The following ANTXR1 variants were observed in gnomAD, a reference collection of about 807,000 sequenced individuals.
The protein encoded by ANTXR1 is ANTXR cell adhesion molecule 1, also known as anthrax toxin receptor 1.
In ANTXR1, 19 loss-of-function variants were observed where a neutral mutation model predicts 78.1. The observed-to-expected ratio is 0.24, with a 90% CI of 0.17 to 0.36. ANTXR1 has a LOEUF of 0.36. Ranked by LOEUF, ANTXR1 falls within the 10% of genes least tolerant of loss-of-function variation. The pLI is 1.00. For missense variants in ANTXR1, 518 were observed against 718.6 expected (o/e 0.72, Z 3.19); for synonymous variants, 273 against 260.5 (o/e 1.05, Z -0.46).
At chr2:69,121,500 G>A (rs1228070494) in intron 10 of ANTXR1, among the ~76,000 whole-genome samples, 9 of 152,256 alleles carry the variant, frequency 5.9e-5, no homozygotes, top group East Asian at 5.8e-4. Flanking sequence ...CAATGGGGAC[G>A]TTGTGCTTAG....
intron 17 of ANTXR1, among the ~76,000 whole-genome samples, chr2:69,201,083 A>G (rs930313239): frequency 2.6e-5 from 4 of 152,160 alleles, no homozygotes; most frequent in Non-Finnish European, 5.9e-5. Flanking sequence ...AGATTAATGA[A>G]TGAGCCCTGT....
chr2:69,114,249 C>CTAA (rs1672071564), intron 10 of ANTXR1, among the ~76,000 whole-genome samples: 1 of 152,186 alleles, frequency 6.6e-6, no homozygotes, highest in South Asian at 2.1e-4. Context: ...GGCTTTTATA[C>CTAA]TAATATGTAT....
chr2:69,074,231 G>A (rs529543284), intron 6 of ANTXR1, among the ~76,000 whole-genome samples: 1 of 152,224 alleles, frequency 6.6e-6, no homozygotes, highest in African/African-American at 2.4e-5. Flanking sequence ...AATACACAAG[G>A]TAATATGACA....
chr2:69,239,649 G>A (rs1476193543), intron 17 of ANTXR1, among the ~76,000 whole-genome samples: 1 of 152,194 alleles, frequency 6.6e-6, no homozygotes, highest in Non-Finnish European at 1.5e-5. Flanking sequence ...TGAAGAAACC[G>A]AAGCCCATAG....
intron 10 of ANTXR1, among the ~76,000 whole-genome samples, chr2:69,119,375 G>A (rs537554221): frequency 2.0e-5 from 3 of 152,228 alleles, no homozygotes; most frequent in Admixed American, 2.0e-4. Flanking sequence ...GGCTCTGTGG[G>A]CTGGCTATGT....
intron 12 of ANTXR1, among the ~76,000 whole-genome samples, chr2:69,137,534 A>C (rs1672946700): frequency 6.6e-6 from 1 of 152,178 alleles, no homozygotes; most frequent in African/African-American, 2.4e-5. Context: ...TATAGGAAGA[A>C]GTGCAAAATT....
chr2:69,077,534 G>A lies in ANTXR1; in HGVS notation c.642+46G>A, dbSNP rs187369068. ...GAGACTAGACATTCAGGCACCTTCC[G>A]TCTCTGATCTGCTATTAATACCCCA... On this transcript the variant is annotated intron_variant, in intron 8 of 17. Transcript: ENST00000303714. The A allele has an allele frequency of 1.0e-3, 1,660 of 1,590,476 alleles. 5 individuals are homozygous for A. The highest frequency in any genetic ancestry group is 1.1e-3 in the Non-Finnish European group (1,313 of 1,158,816).
chr2:69,135,203 T>C, intron 12 of ANTXR1: 1 of 189,964 alleles, frequency 5.3e-6, no homozygotes, highest in Non-Finnish European at 1.1e-5. Flanking sequence ...TTGTTTTTCT[T>C]GGATGTTTGA....
chr2:69,191,796 G>A (rs1163575981), intron 16 of ANTXR1, among the ~76,000 whole-genome samples: 3 of 152,222 alleles, frequency 2.0e-5, no homozygotes, highest in African/African-American at 7.2e-5. Context: ...TCTGCAATTG[G>A]TGTAATAGAA....
intron 3 of ANTXR1, among the ~76,000 whole-genome samples, chr2:69,062,145 G>A (rs767842991): frequency 1.4e-4 from 21 of 152,192 alleles, no homozygotes; most frequent in Admixed American, 3.3e-4. Flanking sequence ...CAGACACTCT[G>A]CAGGGATAAG....
chr2:69,204,452 T>C (rs1207287878), intron 17 of ANTXR1, among the ~76,000 whole-genome samples: 2 of 152,110 alleles, frequency 1.3e-5, no homozygotes, highest in Non-Finnish European at 2.9e-5. Flanking sequence ...AAAGCTGAGG[T>C]CTGGAAAGGT....
intron 14 of ANTXR1, 26 bp from the exon 15 acceptor site, chr2:69,181,760 C>T (rs1171598127): frequency 6.2e-7 from 1 of 1,612,458 alleles, no homozygotes; most frequent in South Asian, 1.1e-5. Flanking sequence ...GTTTTGCTTC[C>T]TTCATGTGCC....
At chr2:69,176,577 C>T (rs1674124147) in intron 14 of ANTXR1, among the ~76,000 whole-genome samples, 2 of 152,188 alleles carry the variant, frequency 1.3e-5, no homozygotes, top group Non-Finnish European at 2.9e-5. Context: ...AAACTCACTC[C>T]TCTATAAATG....
At chr2:69,031,905 C>T (rs1671538849) in intron 1 of ANTXR1, among the ~76,000 whole-genome samples, 1 of 152,222 alleles carries the variant, frequency 6.6e-6, no homozygotes, top group Non-Finnish European at 1.5e-5. Flanking sequence ...TCCAGGGTGG[C>T]TCCTGCCAGA....
At chr2:69,031,637 G>A (rs891507441) in intron 1 of ANTXR1, among the ~76,000 whole-genome samples, 1 of 151,980 alleles carries the variant, frequency 6.6e-6, no homozygotes, top group Admixed American at 6.6e-5. Context: ...AGGGCTTTCT[G>A]TCCCTCTGCT....
chr2:69,148,101 C>T (rs566368891), intron 12 of ANTXR1, among the ~76,000 whole-genome samples: 66 of 152,204 alleles, frequency 4.3e-4, no homozygotes, highest in Non-Finnish European at 7.2e-4. Context: ...ACAGCATTTG[C>T]TTTCCAAGAA....
chr2:69,023,988 G>A (rs1028150441), intron 1 of ANTXR1, among the ~76,000 whole-genome samples: 25 of 152,306 alleles, frequency 1.6e-4, no homozygotes, highest in Non-Finnish European at 2.8e-4. Context: ...TAGGTTATGA[G>A]ATTAAAGGTT....
intron 10 of ANTXR1, among the ~76,000 whole-genome samples, chr2:69,116,020 T>C (rs367763108): frequency 6.6e-6 from 1 of 152,234 alleles, no homozygotes; most frequent in East Asian, 1.9e-4. Context: ...CATTCGGCTT[T>C]GAATCTTCTC....
intron 17 of ANTXR1, among the ~76,000 whole-genome samples, chr2:69,229,315 A>G (rs184330287): frequency 1.7e-3 from 256 of 152,346 alleles, no homozygotes; most frequent in African/African-American, 5.2e-3. Context: ...AGCTACTGGC[A>G]TAGGAAAAGA....
Sources: allele counts gnomAD v4.1 joint callset (sites outside exome capture counted in the v4.1 genomes callset), GRCh38; gene constraint gnomAD v4.1.1; transcripts MANE v1.5; gene names NCBI Gene and HGNC (gene_info 2026-07-23, HGNC 2026-07-21).